RIPOR1: variants seen among roughly 807,000 people sequenced by gnomAD.
The protein encoded by RIPOR1 is RHO family interacting cell polarization regulator 1, also known as rho family-interacting cell polarization regulator 1.
Under a neutral mutation model 116.5 loss-of-function variants are expected in RIPOR1, and 58 were observed. The observed-to-expected ratio is 0.50, with a 90% CI of 0.40 to 0.62. RIPOR1 has a LOEUF of 0.62. Ranked by LOEUF, RIPOR1 falls within the 20% of genes least tolerant of loss-of-function variation. The pLI is 0.00. For missense variants in RIPOR1, 1,372 were observed against 1,586.2 expected, an observed-to-expected ratio of 0.86 and a Z score of 2.29; for synonymous variants, 605 against 650.0, an observed-to-expected ratio of 0.93 and a Z score of 1.05.
chr16:67,519,211 C>T (rs954012833), intron 1 of RIPOR1, among the ~76,000 whole-genome samples: 3 of 148,578 alleles, frequency 2.0e-5, no homozygotes, highest in African/African-American at 5.0e-5. Flanking sequence ...ACCTGGGAGG[C>T]GGAGGTTGCA....
chr16:67,523,519 C>CA (rs2050512308), intron 1 of RIPOR1, among the ~76,000 whole-genome samples: 1 of 50,318 alleles, frequency 2.0e-5, no homozygotes, highest in African/African-American at 1.2e-4. Context: ...AGCAAGACTC[C>CA]ATAAAAAAAA....
Position 67,544,573 on chromosome 16 carries a change from T to G in RIPOR1, c.2734-122T>G. On this transcript the variant is annotated intron_variant, in intron 15 of 21. Transcript: ENST00000042381. This position sits in a 1 kb window ranked among gnomAD's most constrained non-coding sequence, Gnocchi z 5.1. Reference sequence around the variant, plus strand: ...CCCTTGGCATCTGGCCCTTGCTGAATGGAGTATCTCCCAACTCTGCAACCC... The same window carrying G: ...CCCTTGGCATCTGGCCCTTGCTGAAGGGAGTATCTCCCAACTCTGCAACCC... 2 of 1,543,084 alleles carry G rather than the reference T, an allele frequency of 1.3e-6. No individual in the cohort carries two copies. The highest frequency in any genetic ancestry group is 1.8e-6 in the Non-Finnish European group (2 of 1,137,240).
Position 67,528,836 on chromosome 16 carries a change from G to T in RIPOR1, c.-102G>T, listed in dbSNP as rs1001187947. The T allele has an allele frequency of 1.5e-3, 238 of 157,562 alleles. 1 individual carries two copies. The highest frequency in any genetic ancestry group is 2.6e-3 in the Non-Finnish European group (191 of 72,160). The allele number at this position is 157,562 out of a possible 1,614,324, so 9.8% of individuals were successfully genotyped here. On this transcript the variant is annotated 5_prime_UTR_variant, in exon 1 of 22. Coordinates refer to ENST00000042381, the MANE Select transcript of RIPOR1 (RefSeq NM_024519.4). ...GGGGCCGGCGCCTGCGGCGGCGACA[G>T]CGGCAGCTGCGGCGCGACCAGGCCG...
At position 67,538,790 on chromosome 16, in the gene RIPOR1, G is replaced by A; in HGVS notation, c.223G>A (p.Asp75Asn). The change falls in exon 3 of 22, where the codon GAC becomes AAC. Residue 75 changes from aspartate (D) to asparagine (N), a missense_variant. Transcript: ENST00000042381. ...AAKVPQPERL[D>N]LVYTALKRGL... ...CAAGGTGCCGCAGCCCGAGCGGCTG[G>A]ACCTGGTGTACACGGCGCTGAAGCG... The A allele has an allele frequency of 6.2e-7, 1 of 1,613,424 alleles. No homozygotes were observed. The highest frequency in any genetic ancestry group is 8.5e-7 in the Non-Finnish European group (1 of 1,179,974).
chr16:67,546,156 G>C lies in RIPOR1; in HGVS notation c.3487G>C (p.Glu1163Gln). 6.2e-7 allele frequency: 1 copy of C among 1,613,190 alleles called. No individual in the cohort carries two copies. Among genetic ancestry groups the C allele is most frequent in the Middle Eastern group, 1.7e-4 (1 of 6,060 alleles). The change falls in exon 21 of 22, where the codon GAG becomes CAG. Residue 1163 changes from glutamate to glutamine, a missense_variant. Glu to Gln is a conservative substitution (Grantham distance 29, BLOSUM62 2). This residue lies in a region of RIPOR1 where 1,005 missense variants were observed against 1,144.7 expected (regional missense o/e 0.88). Transcript: ENST00000042381. ...LGCIKAPEGI[E>Q]PLVYLCQTDT... ...CCCCTGACAGGCTCCCGAGGGCATT[G>C]AGCCCCTGGTGTACCTCTGCCAAAC... is the stretch of plus-strand genomic sequence containing the variant.
chr16:67,526,885 G>GAAAAC (rs1428598098), upstream of RIPOR1, among the ~76,000 whole-genome samples: 1 of 152,224 alleles, frequency 6.6e-6, no homozygotes, highest in Non-Finnish European at 1.5e-5. Context: ...CCAGTCTCTA[G>GAAAAC]CTCAGGTGGA....
chr16:67,525,633 C>A (rs2050533946), upstream of RIPOR1, among the ~76,000 whole-genome samples: 1 of 152,102 alleles, frequency 6.6e-6, no homozygotes, highest in Admixed American at 6.6e-5. Flanking sequence ...CGGCTCTCAC[C>A]ACCCTCTGCT....
intron 1 of RIPOR1, among the ~76,000 whole-genome samples, chr16:67,533,693 G>A (rs141579409): frequency 9.9e-5 from 15 of 152,146 alleles, no homozygotes; most frequent in Non-Finnish European, 2.2e-4. Flanking sequence ...GGCGGGTGTA[G>A]TGAGAAAATG....
At chr16:67,522,120 C>T (rs1267582217) in intron 1 of RIPOR1, among the ~76,000 whole-genome samples, 1 of 151,220 alleles carries the variant, frequency 6.6e-6, no homozygotes. Flanking sequence ...CTCTGCCTCC[C>T]GGATTCAAGC....
At position 67,540,539 on chromosome 16, in the gene RIPOR1, TC is replaced by T; in HGVS notation, c.676-37del. ...GCAGGGAAGGGCTGGGTCGGTAGGGTCCCAACACCTAGGCTGCCTCATCCTA... is the reference window on the plus strand; with the variant it reads ...GCAGGGAAGGGCTGGGTCGGTAGGGTCCAACACCTAGGCTGCCTCATCCTA... On this transcript the variant is annotated intron_variant, in intron 9 of 21. Coordinates refer to ENST00000042381, the MANE Select transcript of RIPOR1 (RefSeq NM_024519.4). This position sits in a 1 kb window ranked among gnomAD's most constrained non-coding sequence, Gnocchi z 4.7. 1.2e-6 allele frequency: 2 copies of T among 1,613,232 alleles called. No homozygotes were observed. The highest frequency in any genetic ancestry group is 1.7e-6 in the Non-Finnish European group (2 of 1,179,468).
chr16:67,543,407 C>G lies in RIPOR1; in HGVS notation c.2538C>G (p.Ala846=), dbSNP rs749288682. ...ASSLSITVEH[A]LESFSFLNED... is the part of the protein sequence containing the mutation. The stretch of plus-strand genomic sequence containing the variant: ...GTCTCAGCATCACTGTGGAGCATGC[C>G]TTGGAGAGCTTCAGCTTCCTCAATG... Residue 846 remains alanine (A), a synonymous_variant, in exon 14 of 22, where the codon GCC becomes GCG. Coordinates refer to ENST00000042381, the MANE Select transcript of RIPOR1 (RefSeq NM_024519.4). The surrounding 1 kb of genome is among the most constrained non-coding windows in gnomAD (Gnocchi z 4.7). The G allele has an allele frequency of 6.3e-7, 1 of 1,582,290 alleles. No homozygotes were observed. Among genetic ancestry groups the G allele is most frequent in the Non-Finnish European group, 8.6e-7 (1 of 1,163,676 alleles).
chr16:67,524,203 G>A (rs1181753092), upstream of RIPOR1, among the ~76,000 whole-genome samples: 1 of 152,234 alleles, frequency 6.6e-6, no homozygotes, highest in Non-Finnish European at 1.5e-5. Flanking sequence ...ATGGCTCTAG[G>A]AGAAGCCTGA....
rs1304537626 is a variant in RIPOR1 at position 67,542,065 on chromosome 16, T to G, written c.1279T>G (p.Leu427Val). The G allele has an allele frequency of 6.2e-7, 1 of 1,605,938 alleles. No individual in the cohort carries two copies. Among genetic ancestry groups the G allele is most frequent in the Non-Finnish European group, 8.5e-7 (1 of 1,173,792 alleles). Residue 427 changes from leucine (L) to valine (V), a missense_variant, in exon 13 of 22, where the codon TTG becomes GTG. Around this residue, in one of 3 missense-constraint regions of RIPOR1, gnomAD observed 1,005 missense variants for 1,144.7 expected, o/e 0.88. Transcript: ENST00000042381. This position sits in a 1 kb window ranked among gnomAD's most constrained non-coding sequence, Gnocchi z 4.6. ...GCCTGAGACCCCCAGCTCTGGGCCC[T>G]TGGATGAGGAGGGGGCCGTGGCCCC... ...RRPETPSSGP[L>V]DEEGAVAPVL... is the part of the protein sequence containing the mutation.
Position 67,538,445 on chromosome 16 carries a change from C to A in RIPOR1, c.-2C>A, listed in dbSNP as rs1371048285. On this transcript the variant is annotated 5_prime_UTR_variant, in exon 2 of 22. Coordinates refer to ENST00000042381, the MANE Select transcript of RIPOR1 (RefSeq NM_024519.4). ...GCAGGGAGCCCCGCGCGGACTCACT[C>A]TATGATGTCCCTGTCGGTGCGGCCG... The A allele has an allele frequency of 6.2e-7, 1 of 1,603,444 alleles. No homozygotes were observed. Among genetic ancestry groups the A allele is most frequent in the Admixed American group, 1.7e-5 (1 of 58,532 alleles).
Position 67,540,686 on chromosome 16 carries a change from G to A in RIPOR1, c.783G>A (p.Thr261=), listed in dbSNP as rs750509807. 1.9e-5 allele frequency: 31 copies of A among 1,603,816 alleles called. No individual in the cohort carries two copies. The highest frequency in any genetic ancestry group is 1.1e-4 in the African/African-American group (8 of 74,598). ...AAACCATCTTTCTCCCTCTACTCACGGAATTTCTGTCTATTAAGGTGATGT... is the reference window on the plus strand; with the variant it reads ...AAACCATCTTTCTCCCTCTACTCACAGAATTTCTGTCTATTAAGGTGATGT... ...SEETIFLPLL[T]EFLSIKVTEL... The change falls in exon 10 of 22, where the codon ACG becomes ACA. Residue 261 remains threonine, a synonymous_variant. Transcript: ENST00000042381. The surrounding 1 kb of genome is among the most constrained non-coding windows in gnomAD (Gnocchi z 4.7).
At chr16:67,534,732 C>T (rs1462379207) in intron 1 of RIPOR1, among the ~76,000 whole-genome samples, 1 of 151,970 alleles carries the variant, frequency 6.6e-6, no homozygotes, top group Non-Finnish European at 1.5e-5. Context: ...CAGATCCACC[C>T]ATATTGTTGC....
chr16:67,541,706 C>T lies in RIPOR1; in HGVS notation c.1004C>T (p.Ser335Phe). The T allele has an allele frequency of 6.2e-7, 1 of 1,614,086 alleles. No individual in the cohort carries two copies. The highest frequency in any genetic ancestry group is 2.2e-5 in the East Asian group (1 of 44,880). Residue 335 changes from serine to phenylalanine, a missense_variant, in exon 12 of 22, where the codon TCC (serine) becomes TTC (phenylalanine). Ser to Phe is a radical substitution (Grantham distance 155, BLOSUM62 -2). Around this residue, in one of 3 missense-constraint regions of RIPOR1, gnomAD observed 1,005 missense variants for 1,144.7 expected, o/e 0.88. Coordinates refer to ENST00000042381, the MANE Select transcript of RIPOR1 (RefSeq NM_024519.4). The surrounding 1 kb of genome is among the most constrained non-coding windows in gnomAD (Gnocchi z 4.6). ...PSAASSVNKA[S>F]TVTKRFSTYS... ...GCTGCTTCTTCTGTCAACAAGGCCT[C>T]CACAGTCACCAAGCGCTTCTCCACC...
rs1334705536 is a variant in RIPOR1, at chr16:67,541,098, C to A, written c.802-332C>A. Among the ~76,000 whole-genome samples, 1 of 152,096 alleles carries A rather than the reference C, an allele frequency of 6.6e-6. No individual in the cohort carries two copies. Among genetic ancestry groups the A allele is most frequent in the Non-Finnish European group, 1.5e-5 (1 of 68,012 alleles). On this transcript the variant is annotated intron_variant, in intron 10 of 21. Coordinates refer to ENST00000042381, the MANE Select transcript of RIPOR1 (RefSeq NM_024519.4). This position sits in a 1 kb window ranked among gnomAD's most constrained non-coding sequence, Gnocchi z 4.6. ...TCTATCTAGGAGTTGGCGGGTCTCA[C>A]TCTGTCACCCAGGTTGGAGTGCAGC... is the stretch of plus-strand genomic sequence containing the variant.
chr16:67,538,717 C>G lies in RIPOR1; in HGVS notation c.150C>G (p.Pro50=), dbSNP rs1215463115. ...FSPPGPPRKP[P]ALSRVSRMFS... ...CGCCGGGGCCCCCACGGAAGCCCCCCGCGCTCTCCCGAGTGTCCAGGATGT... is the reference window on the plus strand; with the variant it reads ...CGCCGGGGCCCCCACGGAAGCCCCCGGCGCTCTCCCGAGTGTCCAGGATGT... Residue 50 remains proline (P), a synonymous_variant, in exon 3 of 22, where the codon CCC becomes CCG. Coordinates refer to ENST00000042381, the MANE Select transcript of RIPOR1 (RefSeq NM_024519.4). The G allele has an allele frequency of 1.9e-6, 3 of 1,613,392 alleles. No homozygotes were observed. Among genetic ancestry groups the G allele is most frequent in the Non-Finnish European group, 2.5e-6 (3 of 1,179,944 alleles).
Sources: gnomAD v4.1 joint callset for allele counts (sites outside exome capture counted in the v4.1 genomes callset) on GRCh38, gnomAD v4.1.1 for gene constraint, gnomAD v4.1.1 regional missense constraint, Gnocchi (gnomAD v3.1) non-coding constraint, MANE v1.5 for transcripts, NCBI Gene and HGNC (gene_info 2026-07-23, HGNC 2026-07-21) for gene names.